GRM7: variants seen among roughly 807,000 people sequenced by gnomAD.
The protein encoded by GRM7 is glutamate metabotropic receptor 7.
Under a neutral mutation model 84.5 loss-of-function variants are expected in GRM7, and 35 were observed. The observed-to-expected ratio is 0.41, with a 90% CI of 0.32 to 0.55. The LOEUF is 0.55. Among genes scored for constraint, GRM7 ranks in the 20% least tolerant of loss-of-function variants. GRM7 has a pLI of 0.19. For synonymous variants in GRM7, 487 were observed against 455.1 expected (o/e 1.07, Z -0.89); for missense variants, 1,003 against 1,194.6 (o/e 0.84, Z 2.36).
chr3:7,356,123 A>T (rs758307664), intron 4 of GRM7, among the ~76,000 whole-genome samples: 14 of 152,052 alleles, frequency 9.2e-5, no homozygotes, highest in Non-Finnish European at 1.6e-4. Flanking sequence ...TGATTTATGG[A>T]CTGTAGCTAA....
intron 8 of GRM7, among the ~76,000 whole-genome samples, chr3:7,583,254 T>C (rs4143516): frequency 0.23 from 34,765 of 152,144 alleles, 4,839 homozygotes; most frequent in Non-Finnish European, 0.29. Flanking sequence ...TCCCCAGCGG[T>C]ATTTTTGTGG....
intron 4 of GRM7, among the ~76,000 whole-genome samples, chr3:7,379,483 C>T (rs1694498331): frequency 6.6e-6 from 1 of 152,150 alleles, no homozygotes. Context: ...ACTAAATATC[C>T]TGAGCCTTAG....
At position 7,398,928 on chromosome 3, in the gene GRM7, G is replaced by A. The variant is rs112918333; in HGVS notation, c.1034-16095G>A. Among the ~76,000 whole-genome samples the A allele has an allele frequency of 3.9e-3, 599 of 151,894 alleles. 4 individuals are homozygous for A. The highest frequency in any genetic ancestry group is 0.014 in the African/African-American group (577 of 41,424). On this transcript the variant is annotated intron_variant, in intron 4 of 9. Transcript: ENST00000357716. ...ACAATTCCTTTCTATCTCCATTGAT[G>A]GCTTCTTTGTTTGTCTTTGACACCT...
rs575659317 is a variant in GRM7 at position 7,319,593 on chromosome 3, C to T, written c.1033+12941C>T. ...AATTTATCTTAGAATGCCTAGAAAC[C>T]AGAATGTCTACAGTATGGCAAAAGA... On this transcript the variant is annotated intron_variant, in intron 4 of 9. Coordinates refer to ENST00000357716, the MANE Select transcript of GRM7 (RefSeq NM_000844.4). Among the ~76,000 whole-genome samples, 15 of 152,014 alleles carry T rather than the reference C, an allele frequency of 9.9e-5. No homozygotes were observed. The East Asian group carries it at 2.9e-3, about 29-fold the overall frequency.
chr3:7,520,435 T>A (rs1039102005), intron 7 of GRM7, among the ~76,000 whole-genome samples: 1 of 152,132 alleles, frequency 6.6e-6, no homozygotes, highest in Non-Finnish European at 1.5e-5. Flanking sequence ...TTCTGGTCTT[T>A]CTTGCATCAT....
At chr3:7,056,566 A>C (rs979807809) in intron 1 of GRM7, among the ~76,000 whole-genome samples, 1 of 152,150 alleles carries the variant, frequency 6.6e-6, no homozygotes, top group Middle Eastern at 3.4e-3. Flanking sequence ...TTTTGGAATA[A>C]GTATACACAG....
rs574980549 is a variant in GRM7 at position 6,994,000 on chromosome 3, A to G, written c.519+132093A>G. Among the ~76,000 whole-genome samples the G allele has an allele frequency of 2.6e-5, 4 of 152,320 alleles. No homozygotes were observed. In the South Asian group the frequency reaches 8.3e-4, roughly 32 times the overall value. On this transcript the variant is annotated intron_variant, in intron 1 of 9. Transcript: ENST00000357716. ...AGATCATAGTTGCCTAAAAGAGATT[A>G]GAGTTGCCAAAAATAGAAAACGATA...
At chr3:6,948,229 T>C (rs146726824) in intron 1 of GRM7, among the ~76,000 whole-genome samples, 13,559 of 151,374 alleles carry the variant, frequency 0.09, 642 homozygotes, top group Middle Eastern at 0.12. Flanking sequence ...GCTTTGAATG[T>C]GTCCCAGAGA....
At chr3:7,173,400 C>T (rs1425673696) in intron 2 of GRM7, among the ~76,000 whole-genome samples, 1 of 152,134 alleles carries the variant, frequency 6.6e-6, no homozygotes, top group Non-Finnish European at 1.5e-5. Flanking sequence ...GGCTCCACCC[C>T]ATCCCTCTTT....
intron 4 of GRM7, among the ~76,000 whole-genome samples, chr3:7,376,486 C>G (rs1279890544): frequency 2.6e-5 from 4 of 152,174 alleles, no homozygotes; most frequent in African/African-American, 9.6e-5. Flanking sequence ...TTATTTACCA[C>G]AAAATATAAG....
chr3:6,877,012 C>T (rs1445737199), intron 1 of GRM7, among the ~76,000 whole-genome samples: 3 of 152,114 alleles, frequency 2.0e-5, no homozygotes, highest in Non-Finnish European at 4.4e-5. Flanking sequence ...TGCAAGCTTA[C>T]AGGAGGTGAG....
At chr3:7,140,133 T>C (rs1693900013) in intron 1 of GRM7, among the ~76,000 whole-genome samples, 1 of 151,958 alleles carries the variant, frequency 6.6e-6, no homozygotes, top group Admixed American at 6.6e-5. Context: ...GTGGCTATAA[T>C]CAAAAAGACA....
At chr3:7,027,868 T>C (rs1696037168) in intron 1 of GRM7, among the ~76,000 whole-genome samples, 1 of 152,168 alleles carries the variant, frequency 6.6e-6, no homozygotes, top group African/African-American at 2.4e-5. Flanking sequence ...CTTCTGAATC[T>C]TCACATGGAT....
intron 3 of GRM7, among the ~76,000 whole-genome samples, chr3:7,305,190 T>A (rs1473964955): frequency 6.6e-6 from 1 of 152,138 alleles, no homozygotes; most frequent in Non-Finnish European, 1.5e-5. Flanking sequence ...TGACTTTTAG[T>A]CATTCCCTCC....
intron 1 of GRM7, among the ~76,000 whole-genome samples, chr3:6,904,723 G>GTT (rs143641576): frequency 2.1e-4 from 31 of 148,314 alleles, no homozygotes; most frequent in African/African-American, 7.2e-4. Flanking sequence ...CCTTATGTGT[G>GTT]TTTTTTTTTT....
At position 6,861,242 on chromosome 3, in the gene GRM7, T is replaced by A. The variant is rs1694742818; in HGVS notation, c.-147T>A. On this transcript the variant is annotated 5_prime_UTR_variant, in exon 1 of 10. Transcript: ENST00000357716. This position sits in a 1 kb window ranked among gnomAD's most constrained non-coding sequence, Gnocchi z 6.4. ...CCGCGGGACCCCTCACCCTCTCTGG[T>A]CGCCCCTCCCCGGATTCCCCCACCC... 1 of 625,620 alleles carries A rather than the reference T, an allele frequency of 1.6e-6. No homozygotes were observed. The highest frequency in any genetic ancestry group is 4.0e-5 in the Admixed American group (1 of 24,698). 38.8% of individuals were successfully genotyped at this position (625,620 alleles called of 1,614,324 possible). A position where few individuals can be genotyped will look rare whatever the true frequency, so the allele number is the denominator to read the frequency against.
intron 9 of GRM7, among the ~76,000 whole-genome samples, chr3:7,695,799 G>GTGAT (rs1235801639): frequency 6.6e-6 from 1 of 152,210 alleles, no homozygotes; most frequent in Non-Finnish European, 1.5e-5. Flanking sequence ...GCTTAAAACA[G>GTGAT]TGATTGGCAT....
At chr3:7,405,673 A>G (rs761053569) in intron 4 of GRM7, among the ~76,000 whole-genome samples, 4 of 152,224 alleles carry the variant, frequency 2.6e-5, no homozygotes, top group Non-Finnish European at 4.4e-5. Context: ...TACTATTTGC[A>G]AAAGACTGAA....
chr3:7,328,596 G>A (rs1195103177), intron 4 of GRM7, among the ~76,000 whole-genome samples: 1 of 152,148 alleles, frequency 6.6e-6, no homozygotes, highest in African/African-American at 2.4e-5. Flanking sequence ...ATGCAATTCA[G>A]AATGCACCTG....
Sources: allele counts gnomAD v4.1 joint callset (sites outside exome capture counted in the v4.1 genomes callset), GRCh38; gene constraint gnomAD v4.1.1; non-coding constraint Gnocchi (gnomAD v3.1); transcripts MANE v1.5; gene names NCBI Gene and HGNC (gene_info 2026-07-23, HGNC 2026-07-21).